APP: variants seen among roughly 807,000 people sequenced by gnomAD.
APP encodes amyloid beta precursor protein, also known as amyloid-beta precursor protein.
In APP, 31 loss-of-function variants were observed where a neutral mutation model predicts 101.4. The observed-to-expected ratio is 0.31, with a 90% CI of 0.23 to 0.41. APP has a LOEUF of 0.41. Ranked by LOEUF, APP falls within the 10% of genes least tolerant of loss-of-function variation. The pLI, the probability that APP is intolerant of heterozygous loss-of-function variation, is 1.00. For missense variants in APP, 839 were observed against 1,003.7 expected (o/e 0.84, Z 2.22); for synonymous variants, 366 against 364.4 (o/e 1.00, Z -0.05).
At chr21:25,882,652 C>T (rs1450249035) in intron 17 of APP, among the ~76,000 whole-genome samples, 1 of 151,846 alleles carries the variant, frequency 6.6e-6, no homozygotes, top group Non-Finnish European at 1.5e-5. Flanking sequence ...ATTTGTTATA[C>T]CTCTCCCCGT....
intron 1 of APP, among the ~76,000 whole-genome samples, chr21:26,121,901 A>G (rs1323325133): frequency 6.6e-6 from 1 of 152,184 alleles, no homozygotes; most frequent in Non-Finnish European, 1.5e-5. Flanking sequence ...GCATGGGCAA[A>G]AAAAAGAACC....
intron 5 of APP, among the ~76,000 whole-genome samples, chr21:26,032,201 T>TC (rs33997553): frequency 0.02 from 3,080 of 152,266 alleles, 95 homozygotes; most frequent in African/African-American, 0.071. Context: ...CTTGCATTGG[T>TC]AAGTATTAAG....
intron 17 of APP, among the ~76,000 whole-genome samples, chr21:25,887,763 AG>A (rs1324077345): frequency 6.6e-6 from 1 of 152,200 alleles, no homozygotes; most frequent in Admixed American, 6.5e-5. Flanking sequence ...TATGCTGCAC[AG>A]GTGTGGAGCC....
chr21:26,045,802 C>A (rs1479848630), intron 5 of APP, among the ~76,000 whole-genome samples: 1 of 152,142 alleles, frequency 6.6e-6, no homozygotes, highest in African/African-American at 2.4e-5. Context: ...CATGGCCATA[C>A]GCACCCACAC....
intron 3 of APP, among the ~76,000 whole-genome samples, chr21:26,060,323 T>C (rs2046221992): frequency 6.6e-6 from 1 of 151,986 alleles, no homozygotes; most frequent in South Asian, 2.1e-4. Context: ...CACAGCGGGG[T>C]GGAGTCCCTA....
At chr21:26,008,389 G>A (rs767514280) in intron 6 of APP, among the ~76,000 whole-genome samples, 15 of 152,138 alleles carry the variant, frequency 9.9e-5, no homozygotes, top group Admixed American at 3.3e-4. Flanking sequence ...CGTGGTTAGC[G>A]TGCAACAGGC....
intron 3 of APP, among the ~76,000 whole-genome samples, chr21:26,053,981 T>C (rs1309810495): frequency 6.6e-6 from 1 of 152,230 alleles, no homozygotes; most frequent in Non-Finnish European, 1.5e-5. Flanking sequence ...GATATAAAGA[T>C]ATTACATAAA....
intron 17 of APP, among the ~76,000 whole-genome samples, chr21:25,883,715 T>C (rs1412529764): frequency 6.6e-6 from 1 of 152,072 alleles, no homozygotes; most frequent in Non-Finnish European, 1.5e-5. Context: ...TAAATAAAAA[T>C]AAATCTGTCA....
chr21:26,062,749 A>T (rs981844385), intron 3 of APP, among the ~76,000 whole-genome samples: 1 of 151,552 alleles, frequency 6.6e-6, no homozygotes, highest in Non-Finnish European at 1.5e-5. Context: ...GGGTTAACAA[A>T]TTTTTTTATA....
At chr21:26,099,572 G>A (rs972321474) in intron 2 of APP, among the ~76,000 whole-genome samples, 1 of 152,146 alleles carries the variant, frequency 6.6e-6, no homozygotes, top group Admixed American at 6.5e-5. Context: ...CCAAGACAAA[G>A]CATGTCCTAG....
chr21:26,117,702 G>A (rs904481192), intron 1 of APP, among the ~76,000 whole-genome samples: 1 of 152,064 alleles, frequency 6.6e-6, no homozygotes, highest in Non-Finnish European at 1.5e-5. Context: ...TATTTGTGGT[G>A]AGCAAAAATA....
In APP at chr21:26,170,753, G is replaced by T; in HGVS notation, c.-133C>A. The T allele has an allele frequency of 1.0e-6, 1 of 976,504 alleles. No homozygotes were observed. Among genetic ancestry groups the T allele is most frequent in the Non-Finnish European group, 1.4e-6 (1 of 710,716 alleles). 60.5% of individuals were successfully genotyped at this position (976,504 alleles called of 1,614,324 possible). On this transcript the variant is annotated 5_prime_UTR_variant, in exon 1 of 18. Coordinates refer to ENST00000346798, the MANE Select transcript of APP (RefSeq NM_000484.4). ...GCTCCTCCGCGTGCTCTCGCCTACC[G>T]CTGCCGAGGAAACTGACGGAGCCCG...
intron 9 of APP, among the ~76,000 whole-genome samples, chr21:25,978,629 G>T (rs2042310867): frequency 6.6e-6 from 1 of 152,106 alleles, no homozygotes; most frequent in Admixed American, 6.5e-5. Context: ...GGAGAAAGGG[G>T]CGCTCTTAAA....
At chr21:26,001,003 A>T (rs2043270328) in intron 6 of APP, among the ~76,000 whole-genome samples, 1 of 152,038 alleles carries the variant, frequency 6.6e-6, no homozygotes, top group Non-Finnish European at 1.5e-5. Flanking sequence ...AAGTACAACT[A>T]TAACAATGTA....
intron 3 of APP, among the ~76,000 whole-genome samples, chr21:26,073,289 G>A (rs1442153133): frequency 6.6e-6 from 1 of 152,110 alleles, no homozygotes; most frequent in Non-Finnish European, 1.5e-5. Context: ...ACGGGGAAGG[G>A]AGCCTGAAAG....
chr21:25,961,455 C>T (rs34322089), intron 11 of APP, among the ~76,000 whole-genome samples: 3,804 of 152,168 alleles, frequency 0.025, 72 homozygotes, highest in Admixed American at 0.063. Flanking sequence ...ATAACAGTTC[C>T]CTATACTTTT....
chr21:25,991,832 T>G (rs2042878214), intron 8 of APP, among the ~76,000 whole-genome samples: 1 of 152,234 alleles, frequency 6.6e-6, no homozygotes, highest in Non-Finnish European at 1.5e-5. Context: ...AATCTGGCCT[T>G]GTATGAAAAA....
chr21:26,162,909 C>A (rs533034485), intron 1 of APP, among the ~76,000 whole-genome samples: 2 of 138,316 alleles, frequency 1.4e-5, no homozygotes, highest in South Asian at 2.4e-4. Context: ...AAGCATCAGG[C>A]AAAAAAAAAA....
intron 1 of APP, among the ~76,000 whole-genome samples, chr21:26,123,166 C>A (rs567684910): frequency 6.6e-6 from 1 of 152,126 alleles, no homozygotes; most frequent in Non-Finnish European, 1.5e-5. Flanking sequence ...TTGATAAGCA[C>A]AAAGGATATT....
Sources: allele counts gnomAD v4.1 joint callset (sites outside exome capture counted in the v4.1 genomes callset), GRCh38; gene constraint gnomAD v4.1.1; transcripts MANE v1.5; gene names NCBI Gene and HGNC (gene_info 2026-07-23, HGNC 2026-07-21).